Variants in PFKFB2 observed in about 807,000 individuals in gnomAD.
The protein encoded by PFKFB2 is 6-phosphofructo-2-kinase/fructose-2,6-biphosphatase 2, also known as 6-phosphofructo-2-kinase/fructose-2,6-bisphosphatase 2.
A neutral mutation model predicts 68.0 loss-of-function variants in PFKFB2; 53 were observed. That is an observed-to-expected ratio of 0.78 (90% CI 0.63 to 0.98). PFKFB2 has a LOEUF of 0.98. PFKFB2 is among the 50% of genes least tolerant of loss of function. The pLI, the probability that PFKFB2 is intolerant of heterozygous loss-of-function variation, is 0.00. For missense variants in PFKFB2, 451 were observed against 642.0 expected, an observed-to-expected ratio of 0.70 and a Z score of 3.22; for synonymous variants, 222 against 227.6, an observed-to-expected ratio of 0.98 and a Z score of 0.22.
chr1:207,073,306 C>G lies in PFKFB2; in HGVS notation c.*935C>G. The G allele has an allele frequency of 1.0e-6, 1 of 985,414 alleles. No individual in the cohort carries two copies. The highest frequency in any genetic ancestry group is 4.7e-5 in the South Asian group (1 of 21,286). 61.0% of individuals were successfully genotyped at this position (985,414 alleles called of 1,614,324 possible). ...TCTTGCAGGGCTCTTAGAGAGCAGT[C>G]ATGTCTTTTCTCCCATGACTCTCAG... On this transcript the variant is annotated 3_prime_UTR_variant, in exon 15 of 15. Transcript: ENST00000367080.
downstream of PFKFB2, chr1:207,077,867 T>C (rs1419347215): frequency 1.1e-6 from 1 of 911,896 alleles, no homozygotes; most frequent in East Asian, 1.2e-4. Context: ...GTGTTTCCCA[T>C]CCCTTCCCCA....
chr1:207,045,460 G>A (rs1398276645), intron 2 of PFKFB2: 2 of 152,308 alleles, frequency 1.3e-5, no homozygotes, highest in African/African-American at 4.8e-5. Context: ...GTACTTTAAT[G>A]TCCTTAATTA....
chr1:207,051,186 G>C (rs1167094321), upstream of PFKFB2: 27 of 1,371,048 alleles, frequency 2.0e-5, no homozygotes, highest in South Asian at 1.1e-4. Flanking sequence ...AGGACAACGG[G>C]TCTTGCTACC....
intron 11 of PFKFB2, 70 bp downstream of exon 11, chr1:207,069,598 A>C: frequency 9.8e-7 from 1 of 1,018,720 alleles, no homozygotes; most frequent in African/African-American, 1.6e-5. Context: ...ATTTGGGGGA[A>C]GGATTGAATG....
At chr1:207,079,821 C>T (rs999331160), downstream of PFKFB2, 5 of 152,180 alleles carry the variant, frequency 3.3e-5, no homozygotes, top group African/African-American at 4.8e-5. Context: ...ATTTATATCA[C>T]GTGAGTAAGT....
At chr1:207,078,248 A>T (rs1334607029), downstream of PFKFB2, among the ~76,000 whole-genome samples, 4 of 151,994 alleles carry the variant, frequency 2.6e-5, no homozygotes, top group Admixed American at 6.6e-5. Flanking sequence ...ACAGCATTTA[A>T]TTTTTTTTGA....
At chr1:207,061,181 A>ATATATATCTT (rs1558059808) in intron 2 of PFKFB2, among the ~76,000 whole-genome samples, 7 of 88,290 alleles carry the variant, frequency 7.9e-5, no homozygotes, top group Non-Finnish European at 1.6e-4. Flanking sequence ...ATATATATAT[A>ATATATATCTT]TATATATATA....
In PFKFB2 at chr1:207,075,642, AGCTGGTT is replaced by A. The variant is rs1558068240; in HGVS notation, c.*3276_*3282del. The A allele has an allele frequency of 7.5e-5, 74 of 984,938 alleles. 1 individual carries two copies. The South Asian group carries it at 3.2e-3, about 43-fold the overall frequency. The allele number at this position is 984,938 out of a possible 1,614,324, so 61.0% of individuals were successfully genotyped here. A position where few individuals can be genotyped will look rare whatever the true frequency, so the allele number is the denominator to read the frequency against. ...CATTAGCATTTAATCTACTGGAATA[AGCTGGTT>A]GCTGTGGCTTATACCTGTAGTCCCA... On this transcript the variant is annotated 3_prime_UTR_variant, in exon 15 of 15. Coordinates refer to ENST00000367080, the MANE Select transcript of PFKFB2 (RefSeq NM_006212.2).
rs1248499448 is a variant in PFKFB2 at position 207,070,251 on chromosome 1, C to T, written c.1093-29C>T. On this transcript the variant is annotated intron_variant, in intron 11 of 14. Coordinates refer to ENST00000367080, the MANE Select transcript of PFKFB2 (RefSeq NM_006212.2). The surrounding 1 kb of genome is among the most constrained non-coding windows in gnomAD (Gnocchi z 4.2). ...TGGCTGCCAGCTTGCACCTGGGCTC[C>T]TGCCAGCCTGCCCCATTTCCCTCCA... The T allele has an allele frequency of 1.2e-6, 2 of 1,611,502 alleles. No individual in the cohort carries two copies.
At chr1:207,072,082 A>T in intron 14 of PFKFB2, 122 bp from the exon 15 acceptor site, 1 of 1,501,846 alleles carries the variant, frequency 6.7e-7, no homozygotes, top group Non-Finnish European at 8.9e-7. Flanking sequence ...CCTGTGAGGG[A>T]CCCTGTGTGC....
upstream of PFKFB2, among the ~76,000 whole-genome samples, chr1:207,052,680 A>C (rs1013201985): frequency 6.6e-6 from 1 of 151,964 alleles, no homozygotes; most frequent in Non-Finnish European, 1.5e-5. Flanking sequence ...CCAAACCAAA[A>C]CAAAAAAAAC....
chr1:207,050,649 C>A (rs202149100), upstream of PFKFB2: 1 of 1,606,508 alleles, frequency 6.2e-7, no homozygotes, highest in Admixed American at 1.7e-5. Flanking sequence ...CCTCTCCATC[C>A]TCCCGGGACT....
Position 207,063,204 on chromosome 1 carries a change from A to G in PFKFB2, c.370A>G (p.Ile124Val). Residue 124 changes from isoleucine to valine, a missense_variant, in exon 5 of 15, where the codon ATT becomes GTT. Physicochemically the swap from Ile to Val is conservative, Grantham distance 29 (BLOSUM62 3). Transcript: ENST00000367080. The surrounding 1 kb of genome is among the most constrained non-coding windows in gnomAD (Gnocchi z 4.1). ...KAYLTEENGQ[I>V]AVFDATNTTR... ...GTATCTCACTGAGGAGAATGGTCAG[A>G]TTGCGGTAAGCTTTATCTGCTGCTT... The G allele has an allele frequency of 6.2e-7, 1 of 1,613,600 alleles. No homozygotes were observed. Among genetic ancestry groups the G allele is most frequent in the Non-Finnish European group, 8.5e-7 (1 of 1,179,520 alleles).
Position 207,071,263 on chromosome 1 carries a change from A to G in PFKFB2, c.1285+13A>G. On this transcript the variant is annotated intron_variant, in intron 13 of 14. Transcript: ENST00000367080. Reference sequence around the variant, plus strand: ...CCTGTGGCCTATGGTAACTATGCACATAGGGGCTGGCAGGAGCTGGGAATT... The same window carrying G: ...CCTGTGGCCTATGGTAACTATGCACGTAGGGGCTGGCAGGAGCTGGGAATT... The G allele has an allele frequency of 1.9e-6, 3 of 1,607,072 alleles. No individual in the cohort carries two copies. Among genetic ancestry groups the G allele is most frequent in the Admixed American group, 1.7e-5 (1 of 59,970 alleles).
At chr1:207,042,876 TG>T (rs2102318259) in intron 2 of PFKFB2, among the ~76,000 whole-genome samples, 1 of 152,342 alleles carries the variant, frequency 6.6e-6, no homozygotes, top group Non-Finnish European at 1.5e-5. Context: ...TTACATTATC[TG>T]TAAACTTAAT....
At chr1:207,080,553 T>C (rs1683735670), downstream of PFKFB2, 1 of 152,270 alleles carries the variant, frequency 6.6e-6, no homozygotes, top group Non-Finnish European at 1.5e-5. Context: ...AGTTGTGATA[T>C]GGATTTCTCT....
At chr1:207,061,165 T>TTATATATATTTATATATATCTTTATATA (rs1683097941) in intron 2 of PFKFB2, among the ~76,000 whole-genome samples, 4 of 45,184 alleles carry the variant, frequency 8.9e-5, no homozygotes, top group African/African-American at 1.8e-4. Context: ...ATATATATCT[T>TTATATATATTTATATATATCTTTATATA]TATATATATA....
At chr1:207,078,625 C>G (rs1683690300), downstream of PFKFB2, among the ~76,000 whole-genome samples, 1 of 152,214 alleles carries the variant, frequency 6.6e-6, no homozygotes, top group South Asian at 2.1e-4. Context: ...TTTTGGCTGA[C>G]ATAGCCTACA....
chr1:207,055,372 T>A (rs918510019), intron 2 of PFKFB2, among the ~76,000 whole-genome samples: 5 of 152,214 alleles, frequency 3.3e-5, no homozygotes, highest in Non-Finnish European at 5.9e-5. Context: ...GTTCATTTTT[T>A]TGAGGACAGC....
Sources: allele counts gnomAD v4.1 joint callset (sites outside exome capture counted in the v4.1 genomes callset), GRCh38; gene constraint gnomAD v4.1.1; non-coding constraint Gnocchi (gnomAD v3.1); transcripts MANE v1.5; gene names NCBI Gene and HGNC (gene_info 2026-07-23, HGNC 2026-07-21).